The following PLCE1 variants were observed in gnomAD, a reference collection of about 807,000 sequenced individuals.
PLCE1 encodes the protein 1-phosphatidylinositol 4,5-bisphosphate phosphodiesterase epsilon-1.
PLCE1 carries 119 observed loss-of-function variants against 242.8 expected under a neutral mutation model. That is an observed-to-expected ratio of 0.49 (90% CI 0.42 to 0.57). PLCE1 has a LOEUF of 0.57. Among genes scored for constraint, PLCE1 ranks in the 20% least tolerant of loss-of-function variants. PLCE1 has a pLI of 0.00. For missense variants in PLCE1, 2,441 were observed against 2,788.8 expected (o/e 0.88, Z 2.81); for synonymous variants, 945 against 1,017.4 (o/e 0.93, Z 1.35).
At chr10:94,150,073 TA>T (rs1243135918) in intron 3 of PLCE1, among the ~76,000 whole-genome samples, 1 of 152,230 alleles carries the variant, frequency 6.6e-6, no homozygotes, top group Admixed American at 6.5e-5. Context: ...CCCATGTTGC[TA>T]ACTTTCATGT....
chr10:94,310,258 T>G (rs1420503674), intron 27 of PLCE1, among the ~76,000 whole-genome samples: 1 of 152,174 alleles, frequency 6.6e-6, no homozygotes, highest in African/African-American at 2.4e-5. Flanking sequence ...ACTTTCTGCT[T>G]TCTTTTCTGC....
At chr10:94,190,379 C>T (rs987016231) in intron 4 of PLCE1, among the ~76,000 whole-genome samples, 1 of 152,038 alleles carries the variant, frequency 6.6e-6, no homozygotes, top group African/African-American at 2.4e-5. Context: ...GAGACTGAGG[C>T]AAAAGGATTG....
At chr10:94,260,661 TTTTTG>T (rs1468000586) in intron 13 of PLCE1, among the ~76,000 whole-genome samples, 1 of 151,650 alleles carries the variant, frequency 6.6e-6, no homozygotes, top group Non-Finnish European at 1.5e-5. Flanking sequence ...GTATTTTTTA[TTTTTG>T]TTTTATTTTA....
chr10:94,202,240 A>C (rs1250832921), intron 4 of PLCE1, among the ~76,000 whole-genome samples: 1 of 152,222 alleles, frequency 6.6e-6, no homozygotes, highest in East Asian at 1.9e-4. Context: ...TTTTACACAA[A>C]AGAAAATTCC....
chr10:94,051,286 C>CAAA (rs869233995), intron 2 of PLCE1, among the ~76,000 whole-genome samples: 549 of 29,348 alleles, frequency 0.019, 135 homozygotes, highest in African/African-American at 0.047. Flanking sequence ...GACTCCAACT[C>CAAA]AAAAAAAAAA....
At chr10:94,001,365 G>A (rs565080727) in intron 1 of PLCE1, among the ~76,000 whole-genome samples, 3 of 152,278 alleles carry the variant, frequency 2.0e-5, no homozygotes, top group Non-Finnish European at 4.4e-5. Flanking sequence ...CTTTAGAGGG[G>A]CTGATGATGG....
chr10:94,166,325 T>C (rs1245785455), intron 3 of PLCE1, among the ~76,000 whole-genome samples: 1 of 152,200 alleles, frequency 6.6e-6, no homozygotes, highest in Non-Finnish European at 1.5e-5. Flanking sequence ...AGAATACACG[T>C]TTAAAATTTT....
intron 11 of PLCE1, among the ~76,000 whole-genome samples, chr10:94,257,665 G>A (rs974221565): frequency 1.3e-5 from 2 of 152,226 alleles, no homozygotes; most frequent in Non-Finnish European, 2.9e-5. Context: ...GCAAACTATC[G>A]CAAGGACAGA....
chr10:94,025,605 A>G (rs1050712666), intron 1 of PLCE1, among the ~76,000 whole-genome samples: 4 of 152,254 alleles, frequency 2.6e-5, no homozygotes, highest in African/African-American at 9.6e-5. Context: ...CTCTGTTTAA[A>G]TCTATCAGTA....
chr10:94,030,968 A>C lies in PLCE1; in HGVS notation c.-79A>C. The C allele has an allele frequency of 2.2e-6, 3 of 1,352,146 alleles. No homozygotes were observed. Among genetic ancestry groups the C allele is most frequent in the Non-Finnish European group, 3.2e-6 (3 of 943,120 alleles). The allele number at this position is 1,352,146 out of a possible 1,614,324, so 83.8% of individuals were successfully genotyped here. A position where few individuals can be genotyped will look rare whatever the true frequency, so the allele number is the denominator to read the frequency against. On this transcript the variant is annotated 5_prime_UTR_variant, in exon 2 of 33. Coordinates refer to ENST00000371380, the MANE Select transcript of PLCE1 (RefSeq NM_016341.4). ...TGTATCTGAGATTGTTGTAATAATC[A>C]GTCATTTTATTAAAACCTTGACATG... is the stretch of plus-strand genomic sequence containing the variant.
intron 23 of PLCE1, among the ~76,000 whole-genome samples, chr10:94,294,717 C>G (rs1169706520): frequency 6.6e-6 from 1 of 151,994 alleles, no homozygotes; most frequent in East Asian, 1.9e-4. Context: ...AATATTTTTG[C>G]TGGTGGAGGG....
intron 4 of PLCE1, among the ~76,000 whole-genome samples, chr10:94,198,988 G>A (rs1012583662): frequency 2.0e-5 from 3 of 152,114 alleles, no homozygotes; most frequent in Non-Finnish European, 4.4e-5. Context: ...GGAGGTTGAG[G>A]CTGCAGTGAG....
In PLCE1 at chr10:94,031,213, A is replaced by T; in HGVS notation, c.167A>T (p.Gln56Leu). ...RSGETSHTIS[Q>L]LNKLKEEPSG... ...GGGGAGACTTCTCATACCATCTCACAACTGAACAAACTTAAAGAAGAACCT... is the reference window on the plus strand; with the variant it reads ...GGGGAGACTTCTCATACCATCTCACTACTGAACAAACTTAAAGAAGAACCT... Residue 56 changes from glutamine (Q) to leucine (L), a missense_variant, in exon 2 of 33, where the codon CAA becomes CTA. Gln to Leu is a moderately radical substitution (Grantham distance 113). Coordinates refer to ENST00000371380, the MANE Select transcript of PLCE1 (RefSeq NM_016341.4). 6.2e-7 allele frequency: 1 copy of T among 1,613,818 alleles called. No homozygotes were observed. Among genetic ancestry groups the T allele is most frequent in the South Asian group, 1.1e-5 (1 of 91,082 alleles).
chr10:94,032,178 G>C lies in PLCE1; in HGVS notation c.1132G>C (p.Val378Leu), dbSNP rs368745117. 65 of 1,611,760 alleles carry C rather than the reference G, an allele frequency of 4.0e-5. No homozygotes were observed. Among genetic ancestry groups the C allele is most frequent in the Admixed American group, 3.2e-4 (19 of 59,590 alleles). Reference sequence around the variant, plus strand: ...TGGTCCCTTACTGCCTTGTGGGAGAGTAATGGAACCCCCGTCAACAGTGGA... The same window carrying C: ...TGGTCCCTTACTGCCTTGTGGGAGACTAATGGAACCCCCGTCAACAGTGGA... ...RNGPLLPCGR[V>L]MEPPSTVEIR... The change falls in exon 2 of 33, where the codon GTA (valine) becomes CTA (leucine). Residue 378 changes from valine to leucine, a missense_variant. Val to Leu is a conservative substitution (Grantham distance 32, BLOSUM62 1). Around this residue, in one of 5 missense-constraint regions of PLCE1, gnomAD observed 733 missense variants for 754.2 expected, o/e 0.97. Coordinates refer to ENST00000371380, the MANE Select transcript of PLCE1 (RefSeq NM_016341.4).
chr10:94,326,513 G>T (rs1395930862), intron 32 of PLCE1, among the ~76,000 whole-genome samples: 1 of 152,138 alleles, frequency 6.6e-6, no homozygotes, highest in African/African-American at 2.4e-5. Context: ...TATAACTTCT[G>T]TAATGAGGTG....
rs764019766 is a variant in PLCE1, at chr10:94,252,434, A to G, written c.3215A>G (p.Asn1072Ser). The G allele has an allele frequency of 2.1e-5, 34 of 1,614,080 alleles. No individual in the cohort carries two copies. Among genetic ancestry groups the G allele is most frequent in the Middle Eastern group, 1.7e-4 (1 of 6,056 alleles). Reference protein sequence around the residue: ...GTSAKNAEKPNMQRNNTLGIS... With the variant: ...GTSAKNAEKPSMQRNNTLGIS... The stretch of plus-strand genomic sequence containing the variant: ...TCAGCAAAGAATGCTGAGAAGCCCA[A>G]TATGCAGAGAAACAATACCCTGGGC... Residue 1072 changes from asparagine to serine, a missense_variant, in exon 9 of 33, where the codon AAT becomes AGT. Physicochemically the swap from Asn to Ser is conservative, Grantham distance 46. Transcript: ENST00000371380.
At chr10:94,253,415 G>A (rs540100407) in intron 9 of PLCE1, among the ~76,000 whole-genome samples, 1 of 152,088 alleles carries the variant, frequency 6.6e-6, no homozygotes, top group Non-Finnish European at 1.5e-5. Context: ...GTGCAGTGGT[G>A]TGATCATGGC....
chr10:94,182,336 G>A (rs1490618305), intron 4 of PLCE1, among the ~76,000 whole-genome samples: 1 of 151,762 alleles, frequency 6.6e-6, no homozygotes, highest in Admixed American at 6.6e-5. Flanking sequence ...GTATGATCTC[G>A]GCTCACTACA....
chr10:94,230,333 A>AT (rs533971500), intron 5 of PLCE1, among the ~76,000 whole-genome samples: 9 of 151,212 alleles, frequency 6.0e-5, no homozygotes, highest in South Asian at 2.1e-4. Flanking sequence ...AAAAAACAAA[A>AT]TTTTTTTTTT....
Sources: gnomAD v4.1 joint callset for allele counts (sites outside exome capture counted in the v4.1 genomes callset) on GRCh38, gnomAD v4.1.1 for gene constraint, gnomAD v4.1.1 regional missense constraint, MANE v1.5 for transcripts, NCBI Gene and HGNC (gene_info 2026-07-23, HGNC 2026-07-21) for gene names.